TRAPPC8: variants seen among roughly 807,000 people sequenced by gnomAD.
The protein encoded by TRAPPC8 is general sporulation gene 1 homolog.
Under a neutral mutation model 174.3 loss-of-function variants are expected in TRAPPC8, and 54 were observed. That is an observed-to-expected ratio of 0.31 (90% confidence interval 0.25 to 0.39). TRAPPC8 has a LOEUF of 0.39. Among genes scored for constraint, TRAPPC8 ranks in the 10% least tolerant of loss-of-function variants. The pLI is 1.00. For synonymous variants in TRAPPC8, 630 were observed against 579.9 expected (o/e 1.09, Z -1.24); for missense variants, 1,531 against 1,699.1 (o/e 0.90, Z 1.74).
intron 2 of TRAPPC8, among the ~76,000 whole-genome samples, chr18:31,925,084 A>T (rs959607030): frequency 6.6e-6 from 1 of 152,120 alleles, no homozygotes; most frequent in African/African-American, 2.4e-5. Context: ...TAGCCTTACC[A>T]CCCAATAAAG....
At chr18:31,884,855 T>G (rs1468695795) in intron 12 of TRAPPC8, among the ~76,000 whole-genome samples, 1 of 111,712 alleles carries the variant, frequency 9.0e-6, no homozygotes, top group African/African-American at 3.5e-5. Flanking sequence ...AAAAATTAAG[T>G]TTTTTTTTTT....
At chr18:31,854,829 C>T (rs1200821249) in intron 21 of TRAPPC8, among the ~76,000 whole-genome samples, 1 of 151,582 alleles carries the variant, frequency 6.6e-6, no homozygotes, top group Non-Finnish European at 1.5e-5. Context: ...ATTAGCCGGG[C>T]GTGGTGGGTG....
intron 12 of TRAPPC8, among the ~76,000 whole-genome samples, chr18:31,884,128 G>A (rs1228186997): frequency 6.6e-6 from 1 of 152,220 alleles, no homozygotes; most frequent in Non-Finnish European, 1.5e-5. Flanking sequence ...GGCAGAGGTT[G>A]CAATGAGCCG....
At chr18:31,931,260 G>A in intron 2 of TRAPPC8, 69 bp downstream of exon 2, 1 of 1,396,316 alleles carries the variant, frequency 7.2e-7, no homozygotes, top group Non-Finnish European at 9.6e-7. Context: ...CATCTCCCAA[G>A]TCATAGAATC....
chr18:31,875,235 T>G (rs1361497948), intron 12 of TRAPPC8, among the ~76,000 whole-genome samples: 2 of 151,736 alleles, frequency 1.3e-5, no homozygotes, highest in Admixed American at 6.6e-5. Flanking sequence ...TTTATCAAAG[T>G]TTTTTCTTGC....
At chr18:31,926,445 A>C (rs928705487) in intron 2 of TRAPPC8, 1 of 150,856 alleles carries the variant, frequency 6.6e-6, no homozygotes, top group Non-Finnish European at 1.5e-5. Context: ...AACAGACACA[A>C]AGAACTGAGC....
chr18:31,876,957 C>T (rs1365549357), intron 12 of TRAPPC8, among the ~76,000 whole-genome samples: 1 of 152,194 alleles, frequency 6.6e-6, no homozygotes, highest in African/African-American at 2.4e-5. Flanking sequence ...TGAGTCACCA[C>T]CGCACCACCA....
Position 31,829,491 on chromosome 18 carries a change from G to C in TRAPPC8, c.*1264C>G, listed in dbSNP as rs574664095. ...CAGAGTGGAAGGAGCTGAAAAGCCA[G>C]AGACCCACTTAAGATCCAGAAGCAT... On this transcript the variant is annotated 3_prime_UTR_variant, in exon 29 of 29. Transcript: ENST00000283351. The C allele has an allele frequency of 6.6e-6, 1 of 152,376 alleles. No individual in the cohort carries two copies. The highest frequency in any genetic ancestry group is 1.9e-4 in the East Asian group (1 of 5,188). The allele number at this position is 152,376 out of a possible 1,614,324, so 9.4% of individuals were successfully genotyped here.
intron 12 of TRAPPC8, among the ~76,000 whole-genome samples, chr18:31,879,391 G>T (rs765589394): frequency 4.1e-4 from 63 of 152,058 alleles, no homozygotes; most frequent in Non-Finnish European, 6.5e-4. Context: ...GGTAAACAAT[G>T]AAATTAAGGC....
chr18:31,836,919 A>G (rs1037822706), intron 27 of TRAPPC8, among the ~76,000 whole-genome samples: 26 of 151,744 alleles, frequency 1.7e-4, no homozygotes, highest in African/African-American at 3.4e-4. Flanking sequence ...CCGCCACCAC[A>G]CCCGGCTAAT....
In TRAPPC8 at chr18:31,942,641, G is replaced by A. The variant is rs2038398411; in HGVS notation, c.124C>T (p.Leu42=). Residue 42 remains leucine (L), a synonymous_variant, in exon 1 of 29, where the codon CTG becomes TTG. Coordinates refer to ENST00000283351, the MANE Select transcript of TRAPPC8 (RefSeq NM_014939.5). ...TRLNHLSFAE[L]LKPFSRLTSE... ...GTGAGGCGGGAGAAGGGCTTAAGCA[G>A]CTCCGCGAAGCTGAGGTGATTGAGA... The A allele has an allele frequency of 2.5e-6, 4 of 1,610,836 alleles. No individual in the cohort carries two copies. The highest frequency in any genetic ancestry group is 2.2e-5 in the South Asian group (2 of 90,614).
chr18:31,864,049 A>G (rs2034466758), intron 19 of TRAPPC8, among the ~76,000 whole-genome samples: 1 of 147,954 alleles, frequency 6.8e-6, no homozygotes, highest in African/African-American at 2.4e-5. Context: ...TATAAAATAT[A>G]TATTTATATT....
chr18:31,844,193 G>A (rs1422541007), intron 26 of TRAPPC8, among the ~76,000 whole-genome samples: 4 of 152,106 alleles, frequency 2.6e-5, no homozygotes, highest in Non-Finnish European at 5.9e-5. Context: ...AAAACTACAA[G>A]TATACCAAAC....
At chr18:31,921,223 G>C (rs1194695245) in intron 2 of TRAPPC8, among the ~76,000 whole-genome samples, 2 of 152,222 alleles carry the variant, frequency 1.3e-5, no homozygotes, top group East Asian at 3.9e-4. Context: ...TCAAAGAGAA[G>C]TAACAGAATA....
rs777534065 is a variant in TRAPPC8, at chr18:31,913,448, C to T, written c.692G>A (p.Arg231Gln). ...TTCATCTGATGCTCGATTAGATGTTCGAGAATTAATTTTAAGTAAATAGCA... is the reference window on the plus strand; with the variant it reads ...TTCATCTGATGCTCGATTAGATGTTTGAGAATTAATTTTAAGTAAATAGCA... The part of the protein sequence containing the change: ...QGCYLLKINS[R>Q]TSNRASDEQI... Residue 231 changes from arginine (R) to glutamine (Q), a missense_variant, in exon 5 of 29, where the codon CGA becomes CAA. Coordinates refer to ENST00000283351, the MANE Select transcript of TRAPPC8 (RefSeq NM_014939.5). 1.4e-5 allele frequency: 23 copies of T among 1,611,058 alleles called. No individual in the cohort carries two copies. Among genetic ancestry groups the T allele is most frequent in the Non-Finnish European group, 1.9e-5 (22 of 1,179,272 alleles).
chr18:31,909,094 AAAAG>A, intron 6 of TRAPPC8, 84 bp from the exon 7 acceptor site: 1 of 1,299,548 alleles, frequency 7.7e-7, no homozygotes, highest in Non-Finnish European at 1.0e-6. Context: ...AAGAAAAAAA[AAAAG>A]CAGAATGTTA....
intron 9 of TRAPPC8, among the ~76,000 whole-genome samples, chr18:31,906,667 C>T (rs891641059): frequency 1.3e-5 from 2 of 152,116 alleles, no homozygotes; most frequent in African/African-American, 4.8e-5. Flanking sequence ...TCTGTGGTAA[C>T]TTTTCAAAAA....
chr18:31,924,031 C>A (rs1384891233), intron 2 of TRAPPC8, among the ~76,000 whole-genome samples: 1 of 152,178 alleles, frequency 6.6e-6, no homozygotes, highest in Non-Finnish European at 1.5e-5. Flanking sequence ...TGCCTATAAT[C>A]CCAGCACTTT....
intron 1 of TRAPPC8, among the ~76,000 whole-genome samples, chr18:31,937,949 A>G (rs1472288038): frequency 6.6e-6 from 1 of 152,086 alleles, no homozygotes; most frequent in Non-Finnish European, 1.5e-5. Flanking sequence ...GTTATCATCC[A>G]ACTCAGCCTC....
Sources: gnomAD v4.1 joint callset for allele counts (sites outside exome capture counted in the v4.1 genomes callset) on GRCh38, gnomAD v4.1.1 for gene constraint, MANE v1.5 for transcripts, NCBI Gene and HGNC (gene_info 2026-07-23, HGNC 2026-07-21) for gene names.